Variants in TNIK observed in about 807,000 individuals in gnomAD.
TNIK encodes the protein TRAF2 and NCK interacting kinase.
Under a neutral mutation model 191.3 loss-of-function variants are expected in TNIK, and 49 were observed. That is an observed-to-expected ratio of 0.26 (90% CI 0.20 to 0.32). The LOEUF (loss-of-function observed/expected upper bound fraction) is 0.32. TNIK is among the 10% of genes least tolerant of loss of function. The probability of loss-of-function intolerance (pLI) is 1.00; values close to 1 mark genes in which losing one functional copy is unlikely to be tolerated. For synonymous variants in TNIK, 594 were observed against 600.9 expected (o/e 0.99, Z 0.17); for missense variants, 1,155 against 1,702.3 (o/e 0.68, Z 5.66).
At chr3:171,229,273 TA>T (rs1440113933) in intron 2 of TNIK, among the ~76,000 whole-genome samples, 8 of 152,226 alleles carry the variant, frequency 5.3e-5, no homozygotes, top group Non-Finnish European at 7.3e-5. Flanking sequence ...TGGTGAATTT[TA>T]AATGTTGTCT....
At chr3:171,405,507 G>GT (rs1188069924) in intron 1 of TNIK, among the ~76,000 whole-genome samples, 1 of 36,862 alleles carries the variant, frequency 2.7e-5, no homozygotes, top group African/African-American at 1.9e-4. Flanking sequence ...ACCAAATCTG[G>GT]TAAAAAAAAA....
At chr3:171,078,356 TG>T (rs1720252186) in intron 28 of TNIK, among the ~76,000 whole-genome samples, 1 of 152,164 alleles carries the variant, frequency 6.6e-6, no homozygotes, top group Admixed American at 6.5e-5. Flanking sequence ...CTTTGCTTTT[TG>T]TTCTACTCTT....
At chr3:171,215,511 T>C (rs1273824929) in intron 3 of TNIK, among the ~76,000 whole-genome samples, 5 of 152,184 alleles carry the variant, frequency 3.3e-5, no homozygotes, top group Non-Finnish European at 7.3e-5. Context: ...AAGACCAGAT[T>C]TCTCTGACTC....
intron 1 of TNIK, among the ~76,000 whole-genome samples, chr3:171,429,280 A>C (rs1725047984): frequency 6.6e-6 from 1 of 152,214 alleles, no homozygotes; most frequent in Non-Finnish European, 1.5e-5. Context: ...GATATCTACT[A>C]GAGTCTCCCT....
intron 1 of TNIK, among the ~76,000 whole-genome samples, chr3:171,403,611 C>CAAAAA (rs57982642): frequency 4.9e-3 from 485 of 99,350 alleles, no homozygotes; most frequent in East Asian, 0.018. Context: ...GACTCCGTAT[C>CAAAAA]AAAAAAAAAA....
chr3:171,162,798 G>T (rs898280042), intron 10 of TNIK, among the ~76,000 whole-genome samples: 9 of 152,100 alleles, frequency 5.9e-5, no homozygotes, highest in Admixed American at 3.3e-4. Context: ...ATTAATAAAA[G>T]GTCAATCTAG....
chr3:171,228,552 T>A (rs1560290876), intron 2 of TNIK, among the ~76,000 whole-genome samples: 1 of 152,230 alleles, frequency 6.6e-6, no homozygotes, highest in Non-Finnish European at 1.5e-5. Context: ...CGTGGAAGAA[T>A]ACACAAGTAT....
intron 2 of TNIK, among the ~76,000 whole-genome samples, chr3:171,277,083 A>G (rs1235250650): frequency 1.3e-5 from 2 of 152,184 alleles, no homozygotes; most frequent in Admixed American, 6.5e-5. Flanking sequence ...TGATTATTTC[A>G]GGGGTGGGTG....
At chr3:171,133,161 G>A (rs141625317) in intron 15 of TNIK, among the ~76,000 whole-genome samples, 1 of 152,316 alleles carries the variant, frequency 6.6e-6, no homozygotes, top group Non-Finnish European at 1.5e-5. Context: ...ATGCAATCTT[G>A]TCTGACTCTA....
chr3:171,281,863 GAA>G (rs1476228690), intron 2 of TNIK, among the ~76,000 whole-genome samples: 1 of 152,132 alleles, frequency 6.6e-6, no homozygotes, highest in African/African-American at 2.4e-5. Flanking sequence ...TGAGCTTCCA[GAA>G]AAAAAGCCCA....
intron 2 of TNIK, among the ~76,000 whole-genome samples, chr3:171,318,583 A>G (rs1754874721): frequency 6.6e-6 from 1 of 152,176 alleles, no homozygotes. Context: ...CTCATAAAAG[A>G]CAGTAGAATA....
chr3:171,157,948 C>T (rs996694364), intron 11 of TNIK, among the ~76,000 whole-genome samples: 1 of 152,198 alleles, frequency 6.6e-6, no homozygotes, highest in Non-Finnish European at 1.5e-5. Context: ...CTGTCCACAC[C>T]ACTCCCTCAT....
intron 2 of TNIK, chr3:171,347,283 G>C: frequency 6.7e-7 from 1 of 1,482,746 alleles, no homozygotes. Flanking sequence ...AACACATAGA[G>C]CACACTCTCT....
chr3:171,450,873 C>G (rs565371989), intron 1 of TNIK, among the ~76,000 whole-genome samples: 9 of 152,178 alleles, frequency 5.9e-5, no homozygotes, highest in Non-Finnish European at 1.2e-4. Context: ...CAGGCAAGAT[C>G]CCTATTCTCA....
Position 171,248,041 on chromosome 3 carries a change from CAGG to C in TNIK, c.124-19823_124-19821del, listed in dbSNP as rs375167568. Among the ~76,000 whole-genome samples, 230 of 152,186 alleles carry C rather than the reference CAGG, an allele frequency of 1.5e-3. 1 individual carries two copies. The highest frequency in any genetic ancestry group is 5.4e-3 in the African/African-American group (223 of 41,510). On this transcript the variant is annotated intron_variant, in intron 2 of 32. Coordinates refer to ENST00000436636, the MANE Select transcript of TNIK (RefSeq NM_015028.4). ...GCAAGGGAGGAGACAACAGAAACAG[CAGG>C]AGGAGTCCTCTCACACAGAGGGAAA... is the stretch of plus-strand genomic sequence containing the variant.
At chr3:171,256,321 G>A (rs561614995) in intron 2 of TNIK, among the ~76,000 whole-genome samples, 24 of 152,240 alleles carry the variant, frequency 1.6e-4, no homozygotes, top group African/African-American at 5.1e-4. Context: ...AATACCAGCT[G>A]AAATTAAAAT....
Position 171,063,085 on chromosome 3 carries a change from A to T in TNIK, c.*796T>A, listed in dbSNP as rs1717995892. ...TAGAGTGTCCCTCCATCGCTAGGCC[A>T]GCTCAACTCAATGGCGTTAGTATCC... On this transcript the variant is annotated 3_prime_UTR_variant, in exon 33 of 33. Transcript: ENST00000436636. 6.6e-6 allele frequency: 1 copy of T among 152,206 alleles called. No homozygotes were observed. The highest frequency in any genetic ancestry group is 6.5e-5 in the Admixed American group (1 of 15,268). The allele number at this position is 152,206 out of a possible 1,614,324, so 9.4% of individuals were successfully genotyped here.
chr3:171,319,202 TA>T (rs1329883456), intron 2 of TNIK, among the ~76,000 whole-genome samples: 1 of 151,958 alleles, frequency 6.6e-6, no homozygotes, highest in Non-Finnish European at 1.5e-5. Flanking sequence ...AAATAAAATT[TA>T]AAATTACATG....
intron 9 of TNIK, 52 bp from the exon 10 acceptor site, chr3:171,167,322 G>A: frequency 1.9e-6 from 3 of 1,582,832 alleles, no homozygotes; most frequent in Admixed American, 1.8e-5. Flanking sequence ...CCAAAGAAAA[G>A]CAAATGTGTA....
Sources: gnomAD v4.1 joint callset for allele counts (sites outside exome capture counted in the v4.1 genomes callset) on GRCh38, gnomAD v4.1.1 for gene constraint, MANE v1.5 for transcripts, NCBI Gene and HGNC (gene_info 2026-07-23, HGNC 2026-07-21) for gene names.